The following LRP1B variants were observed in gnomAD, a reference collection of about 807,000 sequenced individuals.
LRP1B encodes the protein LDL receptor related protein 1B.
LRP1B carries 217 observed loss-of-function variants against 556.6 expected under a neutral mutation model. That is an observed-to-expected ratio of 0.39 (90% CI 0.35 to 0.44). LRP1B has a LOEUF of 0.44. LRP1B is among the 20% of genes least tolerant of loss of function. The pLI is 1.00. For synonymous variants in LRP1B, 2,047 were observed against 1,865.8 expected, an observed-to-expected ratio of 1.10 and a Z score of -2.50; for missense variants, 5,053 against 5,620.8, an observed-to-expected ratio of 0.90 and a Z score of 3.23.
chr2:140,725,141 G>A (rs1316491458), intron 35 of LRP1B, among the ~76,000 whole-genome samples: 1 of 151,914 alleles, frequency 6.6e-6, no homozygotes, highest in East Asian at 1.9e-4. Flanking sequence ...CTAAAATTTT[G>A]AGAAATATAA....
intron 3 of LRP1B, among the ~76,000 whole-genome samples, chr2:141,281,047 T>C (rs1169753889): frequency 6.6e-6 from 1 of 152,008 alleles, no homozygotes; most frequent in Non-Finnish European, 1.5e-5. Context: ...AGACAGGCCT[T>C]ATCAAATACT....
intron 3 of LRP1B, among the ~76,000 whole-genome samples, chr2:141,336,077 A>C (rs1687837411): frequency 6.7e-6 from 1 of 150,334 alleles, no homozygotes; most frequent in South Asian, 2.1e-4. Flanking sequence ...AAGACCTTTA[A>C]GTAAAGGAGT....
At chr2:141,736,924 G>A (rs917256372) in intron 2 of LRP1B, among the ~76,000 whole-genome samples, 2 of 152,154 alleles carry the variant, frequency 1.3e-5, no homozygotes, top group African/African-American at 4.8e-5. Flanking sequence ...AATAGTAAGT[G>A]CAGCTTAGAA....
At chr2:141,066,669 C>A (rs1574038683) in intron 7 of LRP1B, among the ~76,000 whole-genome samples, 1 of 151,878 alleles carries the variant, frequency 6.6e-6, no homozygotes, top group Non-Finnish European at 1.5e-5. Flanking sequence ...ATGGTCAGTC[C>A]CCGTCCTTAA....
At chr2:140,800,965 C>T (rs1193006487) in intron 32 of LRP1B, among the ~76,000 whole-genome samples, 1 of 152,038 alleles carries the variant, frequency 6.6e-6, no homozygotes, top group African/African-American at 2.4e-5. Context: ...ATATTTATGG[C>T]CATGGTCATT....
intron 7 of LRP1B, among the ~76,000 whole-genome samples, chr2:141,110,717 C>G (rs112271107): frequency 6.6e-6 from 1 of 151,642 alleles, no homozygotes. Context: ...AGGGAATGTA[C>G]GATAGTTTCA....
chr2:141,821,376 T>A (rs1696747109), intron 1 of LRP1B, among the ~76,000 whole-genome samples: 1 of 152,206 alleles, frequency 6.6e-6, no homozygotes, highest in East Asian at 1.9e-4. Context: ...TTAAAGGCCT[T>A]TTTCTCCTTA....
intron 3 of LRP1B, among the ~76,000 whole-genome samples, chr2:141,391,529 G>T (rs1690050341): frequency 6.6e-6 from 1 of 152,008 alleles, no homozygotes; most frequent in Non-Finnish European, 1.5e-5. Flanking sequence ...TGAAAGGAAA[G>T]GGTAAATGAA....
At chr2:140,299,788 T>C (rs535983993) in intron 83 of LRP1B, among the ~76,000 whole-genome samples, 47 of 151,978 alleles carry the variant, frequency 3.1e-4, no homozygotes, top group Non-Finnish European at 6.0e-4. Flanking sequence ...TACAGAGATA[T>C]AGAACAAGTA....
chr2:141,155,182 C>T (rs1391953424), intron 7 of LRP1B, among the ~76,000 whole-genome samples: 1 of 151,640 alleles, frequency 6.6e-6, no homozygotes, highest in African/African-American at 2.4e-5. Context: ...AATTTTTCCC[C>T]CTAAGTCTCT....
At chr2:141,739,345 A>C (rs1167200814) in intron 2 of LRP1B, among the ~76,000 whole-genome samples, 1 of 152,174 alleles carries the variant, frequency 6.6e-6, no homozygotes, top group African/African-American at 2.4e-5. Context: ...AACAATACTT[A>C]AACCCAAAAT....
intron 2 of LRP1B, among the ~76,000 whole-genome samples, chr2:141,548,914 T>C (rs1251391810): frequency 2.6e-5 from 4 of 151,984 alleles, no homozygotes; most frequent in African/African-American, 7.2e-5. Context: ...CCCTGAAGTA[T>C]GAAATATCTG....
intron 21 of LRP1B, among the ~76,000 whole-genome samples, chr2:140,918,304 G>C (rs181339152): frequency 6.6e-6 from 1 of 151,820 alleles, no homozygotes; most frequent in Non-Finnish European, 1.5e-5. Context: ...ATTTGAAAGA[G>C]TTTTCTATAA....
At chr2:140,880,479 G>T (rs892411778) in intron 25 of LRP1B, among the ~76,000 whole-genome samples, 1 of 152,076 alleles carries the variant, frequency 6.6e-6, no homozygotes, top group Non-Finnish European at 1.5e-5. Context: ...GGGAGATCAG[G>T]TCAAAATCCA....
intron 1 of LRP1B, among the ~76,000 whole-genome samples, chr2:142,023,833 C>G (rs1164769061): frequency 6.6e-6 from 1 of 151,628 alleles, no homozygotes; most frequent in Non-Finnish European, 1.5e-5. Context: ...TTGTGCCAGT[C>G]CAGCCCTGCC....
intron 3 of LRP1B, among the ~76,000 whole-genome samples, chr2:141,454,074 A>G (rs193213427): frequency 1.4e-4 from 21 of 152,286 alleles, no homozygotes; most frequent in Middle Eastern, 3.4e-3. Context: ...GCCCCCAAAT[A>G]TGTATTTAAC....
chr2:140,285,738 GTAAT>G (rs1215279130), intron 84 of LRP1B, among the ~76,000 whole-genome samples: 1 of 151,702 alleles, frequency 6.6e-6, no homozygotes, highest in Non-Finnish European at 1.5e-5. Context: ...TTCAATCACT[GTAAT>G]TAATCAATAA....
At chr2:141,215,035 T>C (rs1312404111) in intron 6 of LRP1B, among the ~76,000 whole-genome samples, 1 of 152,202 alleles carries the variant, frequency 6.6e-6, no homozygotes, top group Non-Finnish European at 1.5e-5. Context: ...TCATGTTAAA[T>C]TGTAATCCCC....
chr2:140,604,478 G>A (rs1003015949), intron 41 of LRP1B, among the ~76,000 whole-genome samples: 4 of 151,970 alleles, frequency 2.6e-5, no homozygotes, highest in African/African-American at 9.7e-5. Context: ...CACTACTCTT[G>A]CAGCTATCCA....
Sources: allele counts gnomAD v4.1 joint callset (sites outside exome capture counted in the v4.1 genomes callset), GRCh38; gene constraint gnomAD v4.1.1; transcripts MANE v1.5; gene names NCBI Gene and HGNC (gene_info 2026-07-23, HGNC 2026-07-21).